The following SLC4A8 variants were observed in gnomAD, a reference collection of about 807,000 sequenced individuals.
SLC4A8 encodes solute carrier family 4 member 8.
Under a neutral mutation model 125.0 loss-of-function variants are expected in SLC4A8, and 40 were observed. The observed-to-expected ratio is 0.32, with a 90% CI of 0.25 to 0.42. The LOEUF (loss-of-function observed/expected upper bound fraction) is 0.42. Ranked by LOEUF, SLC4A8 falls within the 10% of genes least tolerant of loss-of-function variation. The pLI is 1.00. For missense variants in SLC4A8, 863 were observed against 1,355.1 expected, an observed-to-expected ratio of 0.64 and a Z score of 5.70; for synonymous variants, 456 against 476.0, an observed-to-expected ratio of 0.96 and a Z score of 0.55.
In SLC4A8 at chr12:51,512,839, A is replaced by T. The variant is rs1434374331; in HGVS notation, c.*5401A>T. 2 of 152,238 alleles carry T rather than the reference A, an allele frequency of 1.3e-5. No individual in the cohort carries two copies. Among genetic ancestry groups the T allele is most frequent in the Non-Finnish European group, 2.9e-5 (2 of 68,044 alleles). 9.4% of individuals were successfully genotyped at this position (152,238 alleles called of 1,614,324 possible). Reference sequence around the variant, plus strand: ...ATAAGAGTAATTTGAGAACAAATACAGATTCATCTATGGGAAAAGATGTTT... The same window carrying T: ...ATAAGAGTAATTTGAGAACAAATACTGATTCATCTATGGGAAAAGATGTTT... On this transcript the variant is annotated 3_prime_UTR_variant, in exon 25 of 25. Coordinates refer to ENST00000453097, the MANE Select transcript of SLC4A8 (RefSeq NM_001039960.3).
In SLC4A8 at chr12:51,451,167, T is replaced by G. The variant is rs1440549264; in HGVS notation, c.277+145T>G. 4 of 786,094 alleles carry G rather than the reference T, an allele frequency of 5.1e-6. No homozygotes were observed. In the African/African-American group the frequency reaches 7.3e-5, roughly 14 times the overall value. The allele number at this position is 786,094 out of a possible 1,614,324, so 48.7% of individuals were successfully genotyped here. The stretch of plus-strand genomic sequence containing the variant: ...AAGCTTGCTTCTAAGAAGAAATGCC[T>G]CTAAGAGTCAAAAATATTTTCGTGA... On this transcript the variant is annotated intron_variant, in intron 3 of 24. Transcript: ENST00000453097.
intron 7 of SLC4A8, 64 bp downstream of exon 7, chr12:51,458,714 T>A: frequency 8.8e-7 from 1 of 1,133,148 alleles, no homozygotes; most frequent in Non-Finnish European, 1.3e-6. Context: ...ATCCAGAGTT[T>A]AATTGCTGGA....
intron 1 of SLC4A8, among the ~76,000 whole-genome samples, chr12:51,429,822 T>TA (rs1380306934): frequency 6.6e-6 from 1 of 151,938 alleles, no homozygotes; most frequent in East Asian, 1.9e-4. Flanking sequence ...ATTGAAATTT[T>TA]AAGAGTCAAT....
At chr12:51,422,698 T>C (rs1948818386), upstream of SLC4A8, among the ~76,000 whole-genome samples, 1 of 152,210 alleles carries the variant, frequency 6.6e-6, no homozygotes, top group African/African-American at 2.4e-5. Flanking sequence ...CTCCCACTGC[T>C]CTTCTCAATA....
At chr12:51,453,818 A>C in intron 5 of SLC4A8, 119 bp downstream of exon 5, 4 of 845,598 alleles carry the variant, frequency 4.7e-6, no homozygotes, top group Non-Finnish European at 5.3e-6. Flanking sequence ...GCAAGCCACA[A>C]CCTTCCTGGC....
intron 15 of SLC4A8, 137 bp from the exon 16 acceptor site, chr12:51,474,908 A>G (rs1950815637): frequency 1.3e-6 from 1 of 769,378 alleles, no homozygotes; most frequent in African/African-American, 1.8e-5. Flanking sequence ...CCGCAACTGC[A>G]TAAAGGTCAA....
At chr12:51,423,488 G>A (rs1028916366), upstream of SLC4A8, among the ~76,000 whole-genome samples, 3 of 152,138 alleles carry the variant, frequency 2.0e-5, no homozygotes, top group Admixed American at 6.5e-5. Flanking sequence ...ACACTAAAAC[G>A]CAGAGACTAG....
chr12:51,434,215 C>T (rs1949327381), intron 1 of SLC4A8, among the ~76,000 whole-genome samples: 1 of 152,066 alleles, frequency 6.6e-6, no homozygotes. Context: ...TTCTCCAAAT[C>T]TCAGACATAT....
At chr12:51,440,467 T>C (rs900770344) in intron 1 of SLC4A8, among the ~76,000 whole-genome samples, 2 of 151,972 alleles carry the variant, frequency 1.3e-5, no homozygotes, top group South Asian at 4.2e-4. Flanking sequence ...TTTATGACAT[T>C]TGTGACCCTG....
intron 3 of SLC4A8, among the ~76,000 whole-genome samples, chr12:51,451,839 T>C (rs1351885068): frequency 2.6e-5 from 4 of 151,978 alleles, no homozygotes; most frequent in Admixed American, 2.6e-4. Flanking sequence ...AAATCAATAC[T>C]ATAATAGGTA....
chr12:51,413,109 C>A (rs1331678153), intron 1 of SLC4A8, among the ~76,000 whole-genome samples: 1 of 152,136 alleles, frequency 6.6e-6, no homozygotes, highest in Non-Finnish European at 1.5e-5. Context: ...TAATAGCCAT[C>A]CTGGCTGGGG....
chr12:51,510,386 T>G lies in SLC4A8; in HGVS notation c.*2948T>G, dbSNP rs1192727139. The G allele has an allele frequency of 4.4e-5, 6 of 137,398 alleles. No homozygotes were observed. Among genetic ancestry groups the G allele is most frequent in the African/African-American group, 1.7e-4 (6 of 36,182 alleles). 8.5% of individuals were successfully genotyped at this position (137,398 alleles called of 1,614,324 possible). On this transcript the variant is annotated 3_prime_UTR_variant, in exon 25 of 25. Coordinates refer to ENST00000453097, the MANE Select transcript of SLC4A8 (RefSeq NM_001039960.3). ...TTGCAGTGAGCCGAGATCATGCCAC[T>G]GCACTCCAGCCTGGGTGACAGAGCA...
chr12:51,488,939 G>C, intron 18 of SLC4A8, 79 bp downstream of exon 18: 1 of 1,099,174 alleles, frequency 9.1e-7, no homozygotes, highest in Middle Eastern at 2.4e-4. Flanking sequence ...AGCACATCTA[G>C]ACCAGAAATT....
intron 1 of SLC4A8, among the ~76,000 whole-genome samples, chr12:51,411,613 G>T (rs769083686): frequency 1.3e-5 from 2 of 152,056 alleles, no homozygotes; most frequent in Non-Finnish European, 2.9e-5. Context: ...TCTTTTTTAA[G>T]TTATTTTGTG....
At chr12:51,480,704 GA>G in intron 16 of SLC4A8, 2 of 804,010 alleles carry the variant, frequency 2.5e-6, no homozygotes, top group Non-Finnish European at 3.0e-6. Context: ...TCTTTTAAAG[GA>G]AAAAAATTTA....
At chr12:51,468,586 C>T (rs552810038) in intron 11 of SLC4A8, among the ~76,000 whole-genome samples, 8 of 152,156 alleles carry the variant, frequency 5.3e-5, no homozygotes, top group South Asian at 2.1e-4. Context: ...GGTGAAACCC[C>T]GACTCTACTA....
intron 16 of SLC4A8, chr12:51,480,319 T>A (rs1950991995): frequency 1.7e-6 from 2 of 1,206,912 alleles, no homozygotes; most frequent in Non-Finnish European, 2.1e-6. Context: ...TTTATATGTA[T>A]GTCTTATTAT....
At chr12:51,392,849 C>T (rs1948173476) in intron 1 of SLC4A8, 4 of 152,192 alleles carry the variant, frequency 2.6e-5, no homozygotes, top group Admixed American at 2.0e-4. Flanking sequence ...GTGCTGCAAT[C>T]TTTTGGGGCC....
chr12:51,453,037 GCAATTAGT>G (rs1253066594), intron 4 of SLC4A8, among the ~76,000 whole-genome samples: 1 of 152,148 alleles, frequency 6.6e-6, no homozygotes, highest in Non-Finnish European at 1.5e-5. Flanking sequence ...AAGTGAAAAG[GCAATTAGT>G]CTTTTGTTAT....
Sources: allele counts gnomAD v4.1 joint callset (sites outside exome capture counted in the v4.1 genomes callset), GRCh38; gene constraint gnomAD v4.1.1; transcripts MANE v1.5; gene names NCBI Gene and HGNC (gene_info 2026-07-23, HGNC 2026-07-21).